Variants in ZFHX3 observed in about 807,000 individuals in gnomAD.
The protein encoded by ZFHX3 is zinc finger homeobox 3, also known as zinc finger homeobox protein 3.
A neutral mutation model predicts 279.1 loss-of-function variants in ZFHX3; 42 were observed. The observed-to-expected ratio is 0.15, with a 90% CI of 0.12 to 0.19. The LOEUF is 0.19. Ranked by LOEUF, ZFHX3 falls within the 10% of genes least tolerant of loss-of-function variation. ZFHX3 has a pLI of 1.00. For missense variants in ZFHX3, 4,981 were observed against 4,754.0 expected, an observed-to-expected ratio of 1.05 and a Z score of -1.40; for synonymous variants, 2,293 against 1,957.8, an observed-to-expected ratio of 1.17 and a Z score of -4.52.
intron 4 of ZFHX3, among the ~76,000 whole-genome samples, chr16:72,850,114 C>T (rs2143832615): frequency 6.6e-6 from 1 of 152,260 alleles, no homozygotes; most frequent in East Asian, 1.9e-4. Flanking sequence ...CTAGGGACAA[C>T]ACTCCAGATG....
intron 1 of ZFHX3, among the ~76,000 whole-genome samples, chr16:73,008,904 G>A (rs1478824693): frequency 8.7e-6 from 1 of 115,178 alleles, no homozygotes; most frequent in Non-Finnish European, 1.8e-5. Flanking sequence ...GAAAAATAAA[G>A]TATATACGTG....
At chr16:73,304,696 C>A (rs985703804) in intron 4 of ZFHX3, among the ~76,000 whole-genome samples, 1 of 152,170 alleles carries the variant, frequency 6.6e-6, no homozygotes, top group East Asian at 1.9e-4. Flanking sequence ...CTCAAGCCCT[C>A]CTTTGAACCA....
At position 72,793,895 on chromosome 16, in the gene ZFHX3, A is replaced by T. The variant is rs763647776; in HGVS notation, c.8787T>A (p.Gly2929=). The change falls in exon 9 of 10, where the codon GGT becomes GGA. Residue 2929 remains glycine, a synonymous_variant. Coordinates refer to ENST00000268489, the MANE Select transcript of ZFHX3 (RefSeq NM_006885.4). This position sits in a 1 kb window ranked among gnomAD's most constrained non-coding sequence, Gnocchi z 4.3. ...SLADPCSPSP[G]ASGSAGKSGD... is the part of the protein sequence containing the mutation. ...CAGATTTGCCTGCAGATCCACTCGCACCAGGACTCGGGGAGCAGGGATCTG... is the reference window on the plus strand; with the variant it reads ...CAGATTTGCCTGCAGATCCACTCGCTCCAGGACTCGGGGAGCAGGGATCTG... The T allele has an allele frequency of 6.2e-7, 1 of 1,614,192 alleles. No homozygotes were observed. Among genetic ancestry groups the T allele is most frequent in the Non-Finnish European group, 8.5e-7 (1 of 1,180,034 alleles).
chr16:73,817,801 C>T (rs180948380), intron 1 of ZFHX3, among the ~76,000 whole-genome samples: 6 of 152,280 alleles, frequency 3.9e-5, no homozygotes, highest in Admixed American at 3.3e-4. Flanking sequence ...CTTAGTTCAC[C>T]TCGCTCTTAC....
chr16:73,099,782 G>A (rs1053633085), intron 7 of ZFHX3, among the ~76,000 whole-genome samples: 7 of 152,056 alleles, frequency 4.6e-5, no homozygotes, highest in Non-Finnish European at 7.4e-5. Context: ...ACAGACGTGG[G>A]GTGGGAAGGG....
chr16:73,799,302 G>A (rs555352532), intron 1 of ZFHX3, among the ~76,000 whole-genome samples: 1 of 152,334 alleles, frequency 6.6e-6, no homozygotes, highest in South Asian at 2.1e-4. Context: ...ATGGGAAGAT[G>A]CTATATGAGT....
intron 4 of ZFHX3, among the ~76,000 whole-genome samples, chr16:72,873,149 C>T (rs973386682): frequency 1.3e-5 from 2 of 152,292 alleles, no homozygotes; most frequent in African/African-American, 2.4e-5. Context: ...CTTCAATGGG[C>T]GTATTTTTCA....
intron 2 of ZFHX3, among the ~76,000 whole-genome samples, chr16:73,543,522 G>A (rs1443545692): frequency 6.6e-6 from 1 of 152,106 alleles, no homozygotes; most frequent in Non-Finnish European, 1.5e-5. Context: ...AATTAGCAGC[G>A]GGGAGATGTA....
At chr16:73,209,444 T>A (rs889577860) in intron 5 of ZFHX3, among the ~76,000 whole-genome samples, 1 of 152,178 alleles carries the variant, frequency 6.6e-6, no homozygotes, top group Non-Finnish European at 1.5e-5. Flanking sequence ...GCTTACAAGA[T>A]GTTGCCTTGA....
intron 3 of ZFHX3, among the ~76,000 whole-genome samples, chr16:73,412,271 G>A (rs1338788872): frequency 2.0e-5 from 3 of 149,212 alleles, no homozygotes; most frequent in Non-Finnish European, 4.4e-5. Flanking sequence ...AGGCTACAGT[G>A]AGCCATAATC....
chr16:73,392,010 A>G (rs923566873), intron 3 of ZFHX3, among the ~76,000 whole-genome samples: 4 of 152,180 alleles, frequency 2.6e-5, no homozygotes, highest in Non-Finnish European at 4.4e-5. Flanking sequence ...CAATATCACG[A>G]TATTGGCAAG....
chr16:73,595,678 G>A (rs537410027), intron 2 of ZFHX3, among the ~76,000 whole-genome samples: 1 of 152,038 alleles, frequency 6.6e-6, no homozygotes, highest in African/African-American at 2.4e-5. Context: ...ACCCAAATTT[G>A]TGTCACTTTA....
At position 73,804,858 on chromosome 16, in the gene ZFHX3, C is replaced by A. The variant is rs938668328; in HGVS notation, c.-1608+86793G>T. On this transcript the variant is annotated intron_variant, in intron 1 of 17. Coordinates refer to the ZFHX3 transcript ENST00000641206. Reference sequence around the variant, plus strand: ...CAAAACACTATACACATACTACATACACACTTAACACACCACACACACACA... The same window carrying A: ...CAAAACACTATACACATACTACATAAACACTTAACACACCACACACACACA... Among the ~76,000 whole-genome samples the A allele has an allele frequency of 3.1e-4, 44 of 139,990 alleles. 1 individual carries two copies. The highest frequency in any genetic ancestry group is 1.2e-3 in the African/African-American group (44 of 36,784). 91.8% of individuals were successfully genotyped at this position (139,990 alleles called of 152,430 possible).
intron 1 of ZFHX3, among the ~76,000 whole-genome samples, chr16:73,792,981 G>C (rs1959879351): frequency 6.6e-6 from 1 of 151,936 alleles, no homozygotes; most frequent in Non-Finnish European, 1.5e-5. Context: ...GTTCGCTTCT[G>C]ACACAAGCGG....
intron 2 of ZFHX3, among the ~76,000 whole-genome samples, chr16:73,627,012 A>G (rs143488838): frequency 6.6e-6 from 1 of 152,306 alleles, no homozygotes; most frequent in Non-Finnish European, 1.5e-5. Flanking sequence ...ACCCATCATT[A>G]TATTGTAGAG....
At chr16:73,520,573 C>T (rs1467626502) in intron 2 of ZFHX3, among the ~76,000 whole-genome samples, 5 of 152,186 alleles carry the variant, frequency 3.3e-5, no homozygotes, top group Non-Finnish European at 7.3e-5. Context: ...CTGGCTCTCT[C>T]ACCACCAAGC....
intron 6 of ZFHX3, among the ~76,000 whole-genome samples, chr16:73,135,821 C>T (rs1242875340): frequency 6.6e-6 from 1 of 152,016 alleles, no homozygotes; most frequent in East Asian, 1.9e-4. Flanking sequence ...CCTACCTCTC[C>T]CTATTGCCTT....
rs373729531 is a variant in ZFHX3 at position 73,387,542 on chromosome 16, A to G, written c.-1291+68461T>C. On this transcript the variant is annotated intron_variant, in intron 3 of 17. Transcript: ENST00000641206. The stretch of plus-strand genomic sequence containing the variant: ...GTTTTTTGTTTTAAAGGTTATTTTC[A>G]TAACTTTGAGACTACAATTAATTTC... Among the ~76,000 whole-genome samples the G allele has an allele frequency of 1.6e-4, 25 of 152,136 alleles. No individual in the cohort carries two copies. In the East Asian group the frequency reaches 3.9e-3, roughly 24 times the overall value.
At chr16:72,904,427 G>T (rs944391847) in intron 3 of ZFHX3, among the ~76,000 whole-genome samples, 8 of 150,486 alleles carry the variant, frequency 5.3e-5, no homozygotes, top group African/African-American at 1.7e-4. Flanking sequence ...AATAAAAATT[G>T]TGGGCTGAAA....
Sources: gnomAD v4.1 joint callset for allele counts (sites outside exome capture counted in the v4.1 genomes callset) on GRCh38, gnomAD v4.1.1 for gene constraint, Gnocchi (gnomAD v3.1) non-coding constraint, MANE v1.5 for transcripts, NCBI Gene and HGNC (gene_info 2026-07-23, HGNC 2026-07-21) for gene names.